The following NKTR variants were observed in gnomAD, a reference collection of about 807,000 sequenced individuals.
NKTR encodes the protein natural killer cell triggering receptor.
In NKTR, 67 loss-of-function variants were observed where a neutral mutation model predicts 156.3. The ratio of observed to expected loss-of-function variants is 0.43; its 90% CI spans 0.35 to 0.53. The LOEUF is 0.53. Among genes scored for constraint, NKTR ranks in the 20% least tolerant of loss-of-function variants. The pLI is 0.01. For missense variants in NKTR, 1,604 were observed against 1,730.9 expected (o/e 0.93, Z 1.30); for synonymous variants, 640 against 596.6 (o/e 1.07, Z -1.06).
Position 42,639,714 on chromosome 3 carries a change from CAAG to C in NKTR, c.4014_4016del (p.Arg1338del), listed in dbSNP as rs1254073576. On this transcript the variant is annotated inframe_deletion, in exon 13 of 17. Coordinates refer to ENST00000232978, the MANE Select transcript of NKTR (RefSeq NM_005385.4). The stretch of plus-strand genomic sequence containing the variant: ...ACAAGGTCTGTCTCCTATAGTCACT[CAAG>C]AAGTCGATCGAGAAGTTCCACATCA... The C allele has an allele frequency of 1.9e-6, 3 of 1,611,160 alleles. No individual in the cohort carries two copies. The highest frequency in any genetic ancestry group is 2.5e-6 in the Non-Finnish European group (3 of 1,178,850).
intron 6 of NKTR, among the ~76,000 whole-genome samples, chr3:42,621,848 A>G (rs1346437117): frequency 6.6e-6 from 1 of 151,984 alleles, no homozygotes; most frequent in Non-Finnish European, 1.5e-5. Context: ...TAAACTATTG[A>G]TGAACATGTA....
At chr3:42,630,327 A>G in intron 6 of NKTR, 1 of 1,379,838 alleles carries the variant, frequency 7.2e-7, no homozygotes, top group Non-Finnish European at 9.3e-7. Flanking sequence ...AATAGAGATG[A>G]TTGTAATTCA....
intron 12 of NKTR, 105 bp from the exon 13 acceptor site, chr3:42,636,763 T>C (rs935172150): frequency 1.4e-6 from 2 of 1,442,936 alleles, no homozygotes; most frequent in African/African-American, 2.9e-5. Context: ...TGCGTGTGCT[T>C]AAAGTGTTAA....
chr3:42,604,659 CTTTTTTTTTTTTTTTTTTTTT>C (rs71072726), intron 2 of NKTR, among the ~76,000 whole-genome samples: 89 of 45,300 alleles, frequency 2.0e-3, no homozygotes, highest in South Asian at 3.2e-3. Flanking sequence ...TATTTCTCTC[CTTTTTTTTTTTTTTTTTTTTT>C]TTTTTTTTTT....
chr3:42,603,724 T>G (rs1705858519), intron 2 of NKTR, among the ~76,000 whole-genome samples: 1 of 150,276 alleles, frequency 6.7e-6, no homozygotes, highest in East Asian at 1.9e-4. Context: ...ATAGTGGATT[T>G]TACACAACTT....
chr3:42,603,688 T>A (rs541808532), intron 2 of NKTR, among the ~76,000 whole-genome samples: 1 of 151,746 alleles, frequency 6.6e-6, no homozygotes, highest in Non-Finnish European at 1.5e-5. Context: ...GTGAAATAAC[T>A]AGCACTTTTT....
Position 42,621,408 on chromosome 3 carries a change from AT to A in NKTR, c.287-18del. On this transcript the variant is annotated intron_variant, in intron 5 of 16. Transcript: ENST00000232978. Reference sequence around the variant, plus strand: ...GTGACTTATAATTGGAGACTGACAAATTTGTGTTTTCTTCAAACAGATGAAA... The same window carrying A: ...GTGACTTATAATTGGAGACTGACAAATTGTGTTTTCTTCAAACAGATGAAA... 1 of 1,589,990 alleles carries A rather than the reference AT, an allele frequency of 6.3e-7. No homozygotes were observed. Among genetic ancestry groups the A allele is most frequent in the Non-Finnish European group, 8.5e-7 (1 of 1,172,160 alleles).
At chr3:42,608,296 C>T (rs1274793921) in intron 2 of NKTR, among the ~76,000 whole-genome samples, 1 of 152,070 alleles carries the variant, frequency 6.6e-6, no homozygotes, top group Non-Finnish European at 1.5e-5. Flanking sequence ...TTCTGACCAA[C>T]CAGCTGTAAA....
chr3:42,639,513 A>G lies in NKTR; in HGVS notation c.3809A>G (p.Asn1270Ser). 1 of 1,614,188 alleles carries G rather than the reference A, an allele frequency of 6.2e-7. No individual in the cohort carries two copies. The highest frequency in any genetic ancestry group is 8.5e-7 in the Non-Finnish European group (1 of 1,180,034). ...QGLRIEIKSK[N>S]KVRPGSLFDE... is the part of the protein sequence containing the mutation. ...TTGAGAATAGAAATTAAAAGCAAAA[A>G]TAAAGTTCGGCCTGGGTCTCTCTTT... Residue 1270 changes from asparagine to serine, a missense_variant, in exon 13 of 17, where the codon AAT (asparagine) becomes AGT (serine). This residue lies in a region of NKTR where 18 missense variants were observed against 41.9 expected (regional missense o/e 0.43). Coordinates refer to ENST00000232978, the MANE Select transcript of NKTR (RefSeq NM_005385.4).
chr3:42,633,190 C>A, intron 9 of NKTR: 1 of 425,552 alleles, frequency 2.3e-6, no homozygotes, highest in Non-Finnish European at 3.4e-6. Context: ...CGGGCGTATA[C>A]CACTATGCTT....
At chr3:42,610,196 G>T (rs1255307229) in intron 2 of NKTR, among the ~76,000 whole-genome samples, 1 of 152,046 alleles carries the variant, frequency 6.6e-6, no homozygotes, top group South Asian at 2.1e-4. Flanking sequence ...TAGAGACGGG[G>T]TTTCTCCATG....
intron 5 of NKTR, chr3:42,621,165 T>C (rs751210754): frequency 3.8e-5 from 40 of 1,043,816 alleles, no homozygotes; most frequent in Non-Finnish European, 4.5e-5. Flanking sequence ...CAAAGTATGT[T>C]ACTACTAAAA....
chr3:42,613,509 T>G (rs1209385371), intron 2 of NKTR, among the ~76,000 whole-genome samples: 2 of 152,216 alleles, frequency 1.3e-5, no homozygotes, highest in East Asian at 3.8e-4. Flanking sequence ...TATCAACCTC[T>G]GCAACATTTT....
intron 5 of NKTR, chr3:42,620,565 A>G: frequency 1.0e-6 from 1 of 985,074 alleles, no homozygotes; most frequent in Non-Finnish European, 1.2e-6. Context: ...CCTGTTCCCA[A>G]GGTAATCACT....
At chr3:42,620,183 C>T in intron 5 of NKTR, 2 of 1,309,628 alleles carry the variant, frequency 1.5e-6, no homozygotes, top group Non-Finnish European at 9.7e-7. Context: ...TGTATTATTT[C>T]ATACATGCTT....
rs1029350109 is a variant in NKTR, at chr3:42,600,727, C to T, written c.-75C>T. ...CGGCGTTGGGGTTTGGCTGCAGTGG[C>T]AGTGCTTTCTCTTCTGCTCACGGGG... On this transcript the variant is annotated 5_prime_UTR_variant, in exon 1 of 17. Transcript: ENST00000232978. The T allele has an allele frequency of 1.3e-5, 4 of 298,660 alleles. 1 individual carries two copies. The South Asian group carries it at 3.2e-4, about 24-fold the overall frequency. The allele number at this position is 298,660 out of a possible 1,614,324, so 18.5% of individuals were successfully genotyped here.
Position 42,643,221 on chromosome 3 carries a change from G to A in NKTR, c.4143-118G>A, listed in dbSNP as rs1045861284. On this transcript the variant is annotated intron_variant, in intron 14 of 16. Transcript: ENST00000232978. ...CTTTTGATATGAAAACAAAACAAAT[G>A]TAGCTGTGGGATTTCACTGTATTTT... is the stretch of plus-strand genomic sequence containing the variant. The A allele has an allele frequency of 6.8e-6, 5 of 732,928 alleles. No homozygotes were observed. In the East Asian group the frequency reaches 1.3e-4, roughly 19 times the overall value. 45.4% of individuals were successfully genotyped at this position (732,928 alleles called of 1,614,324 possible). A position where few individuals can be genotyped will look rare whatever the true frequency, so the allele number is the denominator to read the frequency against.
intron 6 of NKTR, chr3:42,629,099 G>A (rs1018787900): frequency 1.0e-6 from 1 of 964,424 alleles, no homozygotes; most frequent in Admixed American, 6.2e-5. Context: ...AGTGTACTTT[G>A]GTAAAGTTTT....
At chr3:42,632,061 CTTTTTTTTTTTT>C (rs564114469) in intron 8 of NKTR, among the ~76,000 whole-genome samples, 2 of 86,498 alleles carry the variant, frequency 2.3e-5, no homozygotes, top group Admixed American at 1.5e-4. Flanking sequence ...TTATGCAATT[CTTTTTTTTTTTT>C]TTTTTTTTTT....
Sources: gnomAD v4.1 joint callset for allele counts (sites outside exome capture counted in the v4.1 genomes callset) on GRCh38, gnomAD v4.1.1 for gene constraint, gnomAD v4.1.1 regional missense constraint, MANE v1.5 for transcripts, NCBI Gene and HGNC (gene_info 2026-07-23, HGNC 2026-07-21) for gene names.